MYSM1: variants seen among roughly 807,000 people sequenced by gnomAD.
MYSM1 encodes Myb like, SWIRM and MPN domains 1.
In MYSM1, 51 loss-of-function variants were observed where a neutral mutation model predicts 116.0. That is an observed-to-expected ratio of 0.44 (90% confidence interval 0.35 to 0.56). The LOEUF (loss-of-function observed/expected upper bound fraction) is 0.56. Among genes scored for constraint, MYSM1 ranks in the 20% least tolerant of loss-of-function variants. MYSM1 has a pLI of 0.00. For synonymous variants in MYSM1, 313 were observed against 315.2 expected, an observed-to-expected ratio of 0.99 and a Z score of 0.07; for missense variants, 900 against 974.9, an observed-to-expected ratio of 0.92 and a Z score of 1.02.
At chr1:58,683,422 A>G (rs999721586) in intron 7 of MYSM1, among the ~76,000 whole-genome samples, 61 of 152,300 alleles carry the variant, frequency 4.0e-4, no homozygotes, top group African/African-American at 1.2e-3. Flanking sequence ...TGTCTTTTGC[A>G]GGCTTATTTA....
Position 58,667,105 on chromosome 1 carries a change from TA to T in MYSM1, c.1963del (p.Tyr655IlefsTer36). On this transcript the variant is annotated frameshift_variant, in exon 16 of 20. Coordinates refer to ENST00000472487, the MANE Select transcript of MYSM1 (RefSeq NM_001085487.3). LOFTEE classifies it high-confidence loss of function. Reference protein sequence around the residue: ...AVRGFSVIGWYHSHPAFDPNP... With the variant: ...AVRGFSVIGWXHSHPAFDPNP... ...AGGATCAAAAGCAGGATGAGAATGATACCATCCAATAACACTGAAGCCTCTA... is the reference window on the plus strand; with the variant it reads ...AGGATCAAAAGCAGGATGAGAATGATCCATCCAATAACACTGAAGCCTCTA... 1 of 1,613,614 alleles carries T rather than the reference TA, an allele frequency of 6.2e-7. No individual in the cohort carries two copies. Among genetic ancestry groups the T allele is most frequent in the Non-Finnish European group, 8.5e-7 (1 of 1,179,732 alleles).
intron 17 of MYSM1, among the ~76,000 whole-genome samples, chr1:58,661,855 C>T (rs982092592): frequency 1.3e-5 from 2 of 151,842 alleles, no homozygotes; most frequent in African/African-American, 2.4e-5. Context: ...ATGCCTGAAC[C>T]GCAGGTTTAA....
chr1:58,676,406 A>G (rs1244720129), intron 9 of MYSM1, among the ~76,000 whole-genome samples: 1 of 70,706 alleles, frequency 1.4e-5, no homozygotes, highest in Non-Finnish European at 3.1e-5. Flanking sequence ...ACAGAGCGAG[A>G]AAAAAAAAAA....
At position 58,655,052 on chromosome 1, in the gene MYSM1, A is replaced by C. The variant is rs1194171090; in HGVS notation, c.*4945T>G. ...CAAACACTGATAGCATTTGGAAAAAAATAGCAACAAGTTTATCAATAACCA... is the reference window on the plus strand; with the variant it reads ...CAAACACTGATAGCATTTGGAAAAACATAGCAACAAGTTTATCAATAACCA... On this transcript the variant is annotated 3_prime_UTR_variant, in exon 20 of 20. Coordinates refer to ENST00000472487, the MANE Select transcript of MYSM1 (RefSeq NM_001085487.3). 2.6e-5 allele frequency: 4 copies of C among 152,212 alleles called. No homozygotes were observed. Among genetic ancestry groups the C allele is most frequent in the Non-Finnish European group, 5.9e-5 (4 of 68,018 alleles). The allele number at this position is 152,212 out of a possible 1,614,324, so 9.4% of individuals were successfully genotyped here.
chr1:58,688,896 C>T (rs1263812731), intron 6 of MYSM1, 142 bp downstream of exon 6: 18 of 670,548 alleles, frequency 2.7e-5, no homozygotes, highest in Non-Finnish European at 3.4e-5. Flanking sequence ...AACATCATTA[C>T]TCTAACTACA....
At chr1:58,667,825 T>C (rs762727200) in intron 15 of MYSM1, 22 bp downstream of exon 15, 2 of 1,484,054 alleles carry the variant, frequency 1.3e-6, no homozygotes, top group Non-Finnish European at 1.9e-6. Flanking sequence ...ACTAAAACAT[T>C]TTTTTAAAAG....
chr1:58,692,981 T>A (rs1425168699), intron 2 of MYSM1, 50 bp from the exon 3 acceptor site: 2 of 1,426,496 alleles, frequency 1.4e-6, no homozygotes, highest in East Asian at 4.6e-5. Context: ...CTTTTTGAAA[T>A]TATCTTCTGT....
chr1:58,669,279 A>G (rs1644520149), intron 12 of MYSM1, among the ~76,000 whole-genome samples: 1 of 152,078 alleles, frequency 6.6e-6, no homozygotes, highest in African/African-American at 2.4e-5. Context: ...TTCCTTTAAC[A>G]CTCAAAGAGG....
rs1365379747 is a variant in MYSM1 at position 58,681,821 on chromosome 1, C to A, written c.1223G>T (p.Arg408Leu). 6.3e-7 allele frequency: 1 copy of A among 1,593,354 alleles called. No individual in the cohort carries two copies. The highest frequency in any genetic ancestry group is 8.5e-7 in the Non-Finnish European group (1 of 1,174,238). The change falls in exon 8 of 20, where the codon CGC becomes CTC. Residue 408 changes from arginine to leucine, a missense_variant. Around this residue, in one of 3 missense-constraint regions of MYSM1, gnomAD observed 622 missense variants for 623.7 expected, o/e 1.00. Transcript: ENST00000472487. ...AATATAATTTCTAATTTTCAAATAG[C>A]GTTCTGGTGTTTTAGCTTGGCGCCC... Reference protein sequence around the residue: ...FEGRQAKTPERYLKIRNYILD... With the variant: ...FEGRQAKTPELYLKIRNYILD...
intron 17 of MYSM1, among the ~76,000 whole-genome samples, chr1:58,663,994 T>C (rs557680866): frequency 6.6e-6 from 1 of 152,350 alleles, no homozygotes; most frequent in South Asian, 2.1e-4. Context: ...TAAATACCAT[T>C]ATTTTACATA....
At chr1:58,673,471 G>T in intron 11 of MYSM1, 102 bp downstream of exon 11, 1 of 953,830 alleles carries the variant, frequency 1.0e-6, no homozygotes, top group Non-Finnish European at 1.6e-6. Flanking sequence ...ACACATACAT[G>T]TTAATGTATG....
intron 1 of MYSM1, 43 bp downstream of exon 1, chr1:58,699,936 CAATCCA>C (rs1245212564): frequency 6.2e-7 from 1 of 1,611,496 alleles, no homozygotes; most frequent in Admixed American, 1.7e-5. Context: ...CCCGCTCCTT[CAATCCA>C]CTCCCCTCTC....
Position 58,657,470 on chromosome 1 carries a change from C to T in MYSM1, c.*2527G>A, listed in dbSNP as rs889374493. ...TACAAGGCCCTGGCTCCATTATCCT[C>T]GGTAGTAGCCCAAGGCTGGTAGTGC... On this transcript the variant is annotated 3_prime_UTR_variant, in exon 20 of 20. Transcript: ENST00000472487. The T allele has an allele frequency of 1.3e-5, 2 of 152,214 alleles. No individual in the cohort carries two copies. Among genetic ancestry groups the T allele is most frequent in the Admixed American group, 6.5e-5 (1 of 15,280 alleles). 9.4% of individuals were successfully genotyped at this position (152,214 alleles called of 1,614,324 possible).
chr1:58,662,434 T>C (rs2100588869), intron 17 of MYSM1, among the ~76,000 whole-genome samples: 1 of 147,192 alleles, frequency 6.8e-6, no homozygotes, highest in East Asian at 2.0e-4. Context: ...ATCACTTAAA[T>C]GAAGTAGCTG....
rs779996805 is a variant in MYSM1, at chr1:58,700,015, T to A, written c.38A>T (p.Asp13Val). 6.2e-7 allele frequency: 1 copy of A among 1,613,522 alleles called. No homozygotes were observed. The highest frequency in any genetic ancestry group is 8.5e-7 in the Non-Finnish European group (1 of 1,179,992). Residue 13 changes from aspartate (D) to valine (V), a missense_variant, in exon 1 of 20, where the codon GAC (aspartate) becomes GTC (valine). Around this residue, in one of 3 missense-constraint regions of MYSM1, gnomAD observed 622 missense variants for 623.7 expected, o/e 1.00. Coordinates refer to ENST00000472487, the MANE Select transcript of MYSM1 (RefSeq NM_001085487.3). ...CTGTGCCCCCGCCGCCGCTACCACG[T>A]CCCCTTCGATATCCACATCCGCCTC... ...AEEADVDIEG[D>V]VVAAAGAQPG...
intron 5 of MYSM1, 70 bp from the exon 6 acceptor site, chr1:58,689,186 G>A (rs188048664): frequency 1.5e-4 from 174 of 1,151,550 alleles, no homozygotes; most frequent in Non-Finnish European, 2.0e-4. Context: ...GTAACTAAAG[G>A]TTATAGATAG....
At chr1:58,672,759 C>A (rs749017011) in intron 11 of MYSM1, among the ~76,000 whole-genome samples, 1 of 152,120 alleles carries the variant, frequency 6.6e-6, no homozygotes, top group Non-Finnish European at 1.5e-5. Context: ...ACATACTCTA[C>A]GAAACCTGCC....
At position 58,692,949 on chromosome 1, in the gene MYSM1, ATATT is replaced by A. The variant is rs1273098889; in HGVS notation, c.148-22_148-19del. On this transcript the variant is annotated intron_variant, in intron 2 of 19. Coordinates refer to ENST00000472487, the MANE Select transcript of MYSM1 (RefSeq NM_001085487.3). The stretch of plus-strand genomic sequence containing the variant: ...GTCCAAGGCTATTAAAAAAGAGAAT[ATATT>A]TGTCTTTTTATTTATTGCTTTTTGA... The A allele has an allele frequency of 1.3e-6, 2 of 1,568,754 alleles. No homozygotes were observed. The highest frequency in any genetic ancestry group is 2.4e-5 in the South Asian group (2 of 84,860).
At chr1:58,675,896 T>G (rs1007885771) in intron 9 of MYSM1, among the ~76,000 whole-genome samples, 1 of 152,190 alleles carries the variant, frequency 6.6e-6, no homozygotes, top group African/African-American at 2.4e-5. Context: ...AGTCTCAATA[T>G]TCAAGGCTTT....
Sources: gnomAD v4.1 joint callset for allele counts (sites outside exome capture counted in the v4.1 genomes callset) on GRCh38, gnomAD v4.1.1 for gene constraint, gnomAD v4.1.1 regional missense constraint, MANE v1.5 for transcripts, NCBI Gene and HGNC (gene_info 2026-07-23, HGNC 2026-07-21) for gene names.